Variants in SHROOM3 observed in about 807,000 individuals in gnomAD.
SHROOM3 encodes the protein protein Shroom3.
In SHROOM3, 47 loss-of-function variants were observed where a neutral mutation model predicts 138.6. The observed-to-expected ratio is 0.34, with a 90% CI of 0.27 to 0.43. The LOEUF is 0.43. Ranked by LOEUF, SHROOM3 falls within the 20% of genes least tolerant of loss-of-function variation. The probability of loss-of-function intolerance (pLI) is 1.00; values close to 1 mark genes in which losing one functional copy is unlikely to be tolerated. For synonymous variants in SHROOM3, 1,062 were observed against 1,063.3 expected (o/e 1.00, Z 0.02); for missense variants, 2,491 against 2,596.5 (o/e 0.96, Z 0.88).
At chr4:76,691,385 T>A (rs1719533356) in intron 2 of SHROOM3, among the ~76,000 whole-genome samples, 1 of 152,200 alleles carries the variant, frequency 6.6e-6, no homozygotes, top group Non-Finnish European at 1.5e-5. Context: ...AATTTTGACC[T>A]GGGACCAGGT....
At chr4:76,763,221 A>G (rs924404437) in intron 9 of SHROOM3, among the ~76,000 whole-genome samples, 5 of 151,936 alleles carry the variant, frequency 3.3e-5, no homozygotes, top group Non-Finnish European at 5.9e-5. Flanking sequence ...CCCTATCTCT[A>G]CCAAAAATAT....
chr4:76,523,314 T>C (rs1239145714), intron 1 of SHROOM3, among the ~76,000 whole-genome samples: 2 of 152,194 alleles, frequency 1.3e-5, no homozygotes, highest in East Asian at 1.9e-4. Context: ...CTTAACTTGA[T>C]TGTATCTGCA....
chr4:76,444,876 C>G (rs1180664268), intron 1 of SHROOM3, among the ~76,000 whole-genome samples: 1 of 151,334 alleles, frequency 6.6e-6, no homozygotes, highest in Non-Finnish European at 1.5e-5. Flanking sequence ...TCAGGTGGAT[C>G]ATTTGAGTCC....
At chr4:76,724,771 T>G (rs890433431) in intron 3 of SHROOM3, among the ~76,000 whole-genome samples, 2 of 152,232 alleles carry the variant, frequency 1.3e-5, no homozygotes, top group Non-Finnish European at 2.9e-5. Context: ...AGATACTTCA[T>G]CCTTTTTAAC....
chr4:76,626,915 T>C (rs1735162011), intron 2 of SHROOM3, among the ~76,000 whole-genome samples: 1 of 152,212 alleles, frequency 6.6e-6, no homozygotes, highest in Non-Finnish European at 1.5e-5. Context: ...GATGACATCA[T>C]GGCTAATGGG....
intron 2 of SHROOM3, among the ~76,000 whole-genome samples, chr4:76,565,121 A>C: frequency 6.8e-6 from 1 of 146,692 alleles, no homozygotes; most frequent in East Asian, 2.0e-4. Context: ...AGATTGCACC[A>C]TTGCACTCCA....
At chr4:76,711,658 G>A (rs959182825) in intron 3 of SHROOM3, among the ~76,000 whole-genome samples, 14 of 152,044 alleles carry the variant, frequency 9.2e-5, no homozygotes, top group Non-Finnish European at 1.5e-4. Context: ...GAGTCACTGC[G>A]CTCTAGCCTG....
At chr4:76,499,920 A>T (rs1003897884) in intron 1 of SHROOM3, among the ~76,000 whole-genome samples, 1 of 152,244 alleles carries the variant, frequency 6.6e-6, no homozygotes, top group African/African-American at 2.4e-5. Context: ...TAAAAATGAT[A>T]GCTACCACTT....
intron 2 of SHROOM3, among the ~76,000 whole-genome samples, chr4:76,690,826 AT>A (rs1426758456): frequency 5.9e-5 from 9 of 152,312 alleles, no homozygotes; most frequent in East Asian, 3.9e-4. Context: ...AATCCTAGTC[AT>A]TTGAAAACTT....
intron 2 of SHROOM3, among the ~76,000 whole-genome samples, chr4:76,560,731 T>C (rs1733580277): frequency 1.3e-5 from 2 of 152,224 alleles, no homozygotes; most frequent in Non-Finnish European, 2.9e-5. Flanking sequence ...TATTTCGTAC[T>C]TTTTTATAAT....
At chr4:76,695,037 C>T (rs1209174609) in intron 2 of SHROOM3, among the ~76,000 whole-genome samples, 1 of 152,186 alleles carries the variant, frequency 6.6e-6, no homozygotes, top group Non-Finnish European at 1.5e-5. Context: ...TTGTTTTATA[C>T]CAATAAGTGG....
intron 1 of SHROOM3, among the ~76,000 whole-genome samples, chr4:76,497,598 C>T (rs1310120515): frequency 6.6e-6 from 1 of 152,182 alleles, no homozygotes; most frequent in African/African-American, 2.4e-5. Flanking sequence ...TGGCTCATGC[C>T]TGTAATCCCA....
chr4:76,494,250 C>A (rs529143953), intron 1 of SHROOM3, among the ~76,000 whole-genome samples: 2 of 151,822 alleles, frequency 1.3e-5, no homozygotes, highest in East Asian at 1.9e-4. Flanking sequence ...ACTTCTGAAC[C>A]TTTTCAGGTG....
intron 2 of SHROOM3, among the ~76,000 whole-genome samples, chr4:76,573,292 T>C (rs1341834795): frequency 6.6e-6 from 1 of 151,108 alleles, no homozygotes; most frequent in African/African-American, 2.4e-5. Flanking sequence ...CCCAATTTTA[T>C]CTACCAAACC....
intron 5 of SHROOM3, among the ~76,000 whole-genome samples, chr4:76,747,055 T>C (rs750104051): frequency 3.3e-5 from 5 of 152,062 alleles, no homozygotes; most frequent in Admixed American, 6.6e-5. Context: ...CCTGACCTCA[T>C]GATCTGCCTG....
intron 1 of SHROOM3, among the ~76,000 whole-genome samples, chr4:76,522,975 G>A (rs566318021): frequency 1.1e-4 from 17 of 151,944 alleles, no homozygotes; most frequent in South Asian, 2.1e-4. Context: ...TAGTTTCCTA[G>A]GGCTACCAGA....
Position 76,779,320 on chromosome 4 carries a change from AGG to A in SHROOM3, c.*144_*145del. On this transcript the variant is annotated 3_prime_UTR_variant, in exon 11 of 11. Transcript: ENST00000296043. ...TGAAAGGAAAAAAATTCTCTCCAGG[AGG>A]AAGCCTTTTTCCTTCTTGCCCTTCC... 1 of 1,166,152 alleles carries A rather than the reference AGG, an allele frequency of 8.6e-7. No homozygotes were observed. The highest frequency in any genetic ancestry group is 1.2e-6 in the Non-Finnish European group (1 of 849,332). The allele number at this position is 1,166,152 out of a possible 1,614,324, so 72.2% of individuals were successfully genotyped here. A position where few individuals can be genotyped will look rare whatever the true frequency, so the allele number is the denominator to read the frequency against.
chr4:76,770,781 G>T lies in SHROOM3; in HGVS notation c.5505G>T (p.Arg1835Ser). 1 of 1,614,214 alleles carries T rather than the reference G, an allele frequency of 6.2e-7. No homozygotes were observed. The highest frequency in any genetic ancestry group is 1.7e-5 in the Admixed American group (1 of 60,022). ...LCKPNEFDKY[R>S]MFIGDLDKVV... ...AGCCCAATGAGTTTGACAAGTATAGGATGTTCATAGGGGATTTGGACAAGG... is the reference window on the plus strand; with the variant it reads ...AGCCCAATGAGTTTGACAAGTATAGTATGTTCATAGGGGATTTGGACAAGG... The change falls in exon 10 of 11, where the codon AGG becomes AGT. Residue 1835 changes from arginine (R) to serine (S), a missense_variant. Arg to Ser is a moderately radical substitution (Grantham distance 110). This residue lies in a region of SHROOM3 where 470 missense variants were observed against 595.0 expected (regional missense o/e 0.79). Transcript: ENST00000296043.
intron 2 of SHROOM3, among the ~76,000 whole-genome samples, chr4:76,622,910 A>T (rs1735040338): frequency 6.6e-6 from 1 of 152,182 alleles, no homozygotes; most frequent in East Asian, 1.9e-4. Context: ...TTTAATGAAA[A>T]TGACTGCAGA....
Sources: gnomAD v4.1 joint callset for allele counts (sites outside exome capture counted in the v4.1 genomes callset) on GRCh38, gnomAD v4.1.1 for gene constraint, gnomAD v4.1.1 regional missense constraint, MANE v1.5 for transcripts, NCBI Gene and HGNC (gene_info 2026-07-23, HGNC 2026-07-21) for gene names.